The following EYS variants were observed in gnomAD, a reference collection of about 807,000 sequenced individuals.
EYS encodes protein eyes shut homolog.
A neutral mutation model predicts 282.1 loss-of-function variants in EYS; 250 were observed. The ratio of observed to expected loss-of-function variants is 0.89; its 90% confidence interval spans 0.80 to 0.98. The LOEUF is 0.98. Among genes scored for constraint, EYS ranks in the 50% least tolerant of loss-of-function variants. The pLI is 0.00. For synonymous variants in EYS, 1,355 were observed against 1,282.9 expected (o/e 1.06, Z -1.20); for missense variants, 4,016 against 3,709.0 (o/e 1.08, Z -2.15).
intron 5 of EYS, among the ~76,000 whole-genome samples, chr6:65,472,480 C>T (rs535779536): frequency 6.6e-6 from 1 of 152,100 alleles, no homozygotes; most frequent in African/African-American, 2.4e-5. Flanking sequence ...TTAATGTAAG[C>T]AGTTACAAAT....
At chr6:64,840,963 A>C (rs1018063) in intron 19 of EYS, among the ~76,000 whole-genome samples, 84,528 of 151,762 alleles carry the variant, frequency 0.56, 24,245 homozygotes, top group Non-Finnish European at 0.62. Flanking sequence ...TCATAACAGA[A>C]AGTTGTATTA....
At chr6:64,175,763 C>A (rs545788891) in intron 31 of EYS, among the ~76,000 whole-genome samples, 1 of 152,060 alleles carries the variant, frequency 6.6e-6, no homozygotes. Flanking sequence ...GTCACCCCAA[C>A]GGCAACTGTG....
intron 26 of EYS, among the ~76,000 whole-genome samples, chr6:64,449,076 CA>C (rs1311001940): frequency 6.6e-6 from 1 of 152,020 alleles, no homozygotes; most frequent in African/African-American, 2.4e-5. Flanking sequence ...GAAGGAAGTT[CA>C]AACCAATGGC....
intron 29 of EYS, among the ~76,000 whole-genome samples, chr6:64,314,018 C>G (rs955034465): frequency 8.6e-5 from 13 of 151,728 alleles, no homozygotes; most frequent in Non-Finnish European, 5.9e-5. Flanking sequence ...CACATAACAA[C>G]ACTAACCTTA....
intron 31 of EYS, among the ~76,000 whole-genome samples, chr6:64,210,714 A>C (rs1765738752): frequency 6.6e-6 from 1 of 152,184 alleles, no homozygotes; most frequent in Non-Finnish European, 1.5e-5. Flanking sequence ...AGATTAAGAA[A>C]TACCTAGAGA....
At chr6:64,514,301 A>AT (rs1777496627) in intron 26 of EYS, among the ~76,000 whole-genome samples, 1 of 151,886 alleles carries the variant, frequency 6.6e-6, no homozygotes, top group South Asian at 2.1e-4. Flanking sequence ...TCATTAGGAT[A>AT]TTAGTTATCA....
At chr6:64,395,661 A>T (rs549461855) in intron 28 of EYS, among the ~76,000 whole-genome samples, 2 of 151,542 alleles carry the variant, frequency 1.3e-5, no homozygotes, top group African/African-American at 4.9e-5. Context: ...GAGGGATAGC[A>T]TTGGCAGATA....
intron 33 of EYS, among the ~76,000 whole-genome samples, chr6:64,029,933 T>C (rs1769739682): frequency 6.6e-6 from 1 of 152,194 alleles, no homozygotes; most frequent in Admixed American, 6.5e-5. Context: ...GAGCCCCCAT[T>C]AAATACCACA....
At chr6:63,812,577 C>A (rs1771076107) in intron 36 of EYS, among the ~76,000 whole-genome samples, 1 of 152,062 alleles carries the variant, frequency 6.6e-6, no homozygotes, top group Admixed American at 6.6e-5. Context: ...CTTGCCTGTC[C>A]TTCATGGTCT....
chr6:64,355,631 G>A (rs1470417915), intron 29 of EYS, among the ~76,000 whole-genome samples: 2 of 151,536 alleles, frequency 1.3e-5, no homozygotes, highest in East Asian at 3.9e-4. Flanking sequence ...CCACTTTCCT[G>A]AGCAGTTTAT....
At chr6:64,581,982 C>A (rs1766085365) in intron 26 of EYS, among the ~76,000 whole-genome samples, 1 of 152,048 alleles carries the variant, frequency 6.6e-6, no homozygotes, top group African/African-American at 2.4e-5. Flanking sequence ...AAAAACTTGG[C>A]CAGAAAAGTA....
chr6:64,877,065 G>C lies in EYS; in HGVS notation c.2992+9632C>G, dbSNP rs180722776. 3.3e-5 allele frequency among the ~76,000 whole-genome samples: 5 copies of C among 152,264 alleles called. No individual in the cohort carries two copies. The East Asian group carries it at 7.7e-4, about 24-fold the overall frequency. On this transcript the variant is annotated intron_variant, in intron 19 of 42. Transcript: ENST00000503581. ...ATATTTCAGGCAAGAGATGATGGGG[G>C]CTTAGACTAGGATCATTGCAATATA...
intron 22 of EYS, among the ~76,000 whole-genome samples, chr6:64,655,354 C>T (rs1466900386): frequency 2.3e-5 from 2 of 87,450 alleles, no homozygotes; most frequent in Non-Finnish European, 4.7e-5. Flanking sequence ...GAATCTTTTT[C>T]TGCTCAAAGT....
At chr6:65,615,135 T>G (rs969773342) in intron 2 of EYS, among the ~76,000 whole-genome samples, 1 of 152,184 alleles carries the variant, frequency 6.6e-6, no homozygotes, top group South Asian at 2.1e-4. Flanking sequence ...GTAGGTTAAT[T>G]GAATTCGAAT....
In EYS at chr6:64,039,248, A is replaced by C. The variant is rs1770271212; in HGVS notation, c.6725+27090T>G. ...ATTCATTCAGACAGATTGAATTTTT[A>C]CTTTAGATAAGAATTACTTAGGTAA... On this transcript the variant is annotated intron_variant, in intron 33 of 42. Coordinates refer to ENST00000503581, the MANE Select transcript of EYS (RefSeq NM_001142800.2). Among the ~76,000 whole-genome samples, 3 of 152,222 alleles carry C rather than the reference A, an allele frequency of 2.0e-5. No homozygotes were observed. The South Asian group carries it at 6.2e-4, about 32-fold the overall frequency.
chr6:65,611,115 T>C (rs929418167), intron 2 of EYS, among the ~76,000 whole-genome samples: 6 of 151,968 alleles, frequency 3.9e-5, no homozygotes, highest in African/African-American at 1.2e-4. Flanking sequence ...ACATACTTTT[T>C]ATTCCACACT....
rs115348631 is a variant in EYS at position 65,396,013 on chromosome 6, G to A, written c.1184+6465C>T. 4.7e-3 allele frequency among the ~76,000 whole-genome samples: 709 copies of A among 152,168 alleles called. 8 individuals are homozygous for A. The highest frequency in any genetic ancestry group is 0.016 in the African/African-American group (660 of 41,516). Reference sequence around the variant, plus strand: ...GCCCTCAACATTCATCCATGCTGCCGCAGATGACAAAATTTCCTTCTTTAT... The same window carrying A: ...GCCCTCAACATTCATCCATGCTGCCACAGATGACAAAATTTCCTTCTTTAT... On this transcript the variant is annotated intron_variant, in intron 7 of 42. Coordinates refer to ENST00000503581, the MANE Select transcript of EYS (RefSeq NM_001142800.2).
At chr6:64,298,027 T>C (rs1347201003) in intron 30 of EYS, among the ~76,000 whole-genome samples, 1 of 142,176 alleles carries the variant, frequency 7.0e-6, no homozygotes, top group Non-Finnish European at 1.5e-5. Context: ...CATTCCCAGA[T>C]AAACAAAAGC....
intron 2 of EYS, among the ~76,000 whole-genome samples, chr6:65,518,311 T>C (rs1295505112): frequency 6.6e-6 from 1 of 152,138 alleles, no homozygotes; most frequent in Non-Finnish European, 1.5e-5. Flanking sequence ...ATAAAAATTA[T>C]GGTTTTCACC....
Sources: allele counts gnomAD v4.1 joint callset (sites outside exome capture counted in the v4.1 genomes callset), GRCh38; gene constraint gnomAD v4.1.1; transcripts MANE v1.5; gene names NCBI Gene and HGNC (gene_info 2026-07-23, HGNC 2026-07-21).